Variants in ITGBL1 observed in about 807,000 individuals in gnomAD.
The protein encoded by ITGBL1 is integrin subunit beta like 1.
In ITGBL1, 51 loss-of-function variants were observed where a neutral mutation model predicts 68.5. That is an observed-to-expected ratio of 0.74 (90% CI 0.59 to 0.94). The LOEUF (loss-of-function observed/expected upper bound fraction) is 0.94, where lower values mean the gene tolerates loss of function less well. ITGBL1 is among the 40% of genes least tolerant of loss of function. The probability of loss-of-function intolerance (pLI) is 0.00; values close to 1 mark genes in which losing one functional copy is unlikely to be tolerated. For synonymous variants in ITGBL1, 209 were observed against 227.3 expected (o/e 0.92, Z 0.72); for missense variants, 649 against 647.4 (o/e 1.00, Z -0.03).
At chr13:101,698,227 T>G (rs2034047305) in intron 8 of ITGBL1, among the ~76,000 whole-genome samples, 1 of 152,170 alleles carries the variant, frequency 6.6e-6, no homozygotes, top group Non-Finnish European at 1.5e-5. Context: ...GGTACTTGAC[T>G]CCAAAATCAG....
At chr13:101,558,753 C>T (rs568741088) in intron 2 of ITGBL1, among the ~76,000 whole-genome samples, 1 of 152,282 alleles carries the variant, frequency 6.6e-6, no homozygotes, top group South Asian at 2.1e-4. Flanking sequence ...ATCTCATATA[C>T]ATTTTTAATT....
At chr13:101,514,777 A>G (rs1488416608) in intron 2 of ITGBL1, among the ~76,000 whole-genome samples, 1 of 152,030 alleles carries the variant, frequency 6.6e-6, no homozygotes, top group Admixed American at 6.6e-5. Flanking sequence ...TGGAATACAC[A>G]TGGGTGTGGT....
intron 7 of ITGBL1, among the ~76,000 whole-genome samples, chr13:101,660,711 G>A (rs186670923): frequency 3.9e-5 from 6 of 152,228 alleles, no homozygotes; most frequent in East Asian, 3.9e-4. Context: ...AAAAATGTGC[G>A]AAGACAGCCA....
chr13:101,713,691 T>C (rs1413042629), intron 9 of ITGBL1: 1 of 152,166 alleles, frequency 6.6e-6, no homozygotes, highest in African/African-American at 2.4e-5. Flanking sequence ...ATTTTAAATA[T>C]ATCATTAATA....
intron 2 of ITGBL1, among the ~76,000 whole-genome samples, chr13:101,531,134 CTA>C (rs1236564583): frequency 6.6e-6 from 1 of 151,780 alleles, no homozygotes; most frequent in East Asian, 1.9e-4. Flanking sequence ...AATGTGTGTA[CTA>C]TATATTTAGT....
At chr13:101,531,028 T>G (rs1246789651) in intron 2 of ITGBL1, among the ~76,000 whole-genome samples, 1 of 136,154 alleles carries the variant, frequency 7.3e-6, no homozygotes, top group South Asian at 2.5e-4. Context: ...AGCTGTAATA[T>G]AGGAAGAAAT....
chr13:101,621,578 A>G (rs955428653), intron 7 of ITGBL1, among the ~76,000 whole-genome samples: 1 of 152,134 alleles, frequency 6.6e-6, no homozygotes, highest in Non-Finnish European at 1.5e-5. Context: ...TTGCATAGCC[A>G]TTGAAAAAGG....
At chr13:101,595,999 A>G (rs1053369108) in intron 6 of ITGBL1, among the ~76,000 whole-genome samples, 7 of 152,160 alleles carry the variant, frequency 4.6e-5, no homozygotes, top group Admixed American at 6.6e-5. Context: ...TATATGTAAC[A>G]TGATGTTTTG....
chr13:101,567,677 C>A, intron 2 of ITGBL1, 22 bp from the exon 3 acceptor site: 1 of 1,609,510 alleles, frequency 6.2e-7, no homozygotes, highest in East Asian at 2.2e-5. Context: ...TTGAGTCTGA[C>A]TAGATGTTGT....
chr13:101,558,581 C>T (rs142620464), intron 2 of ITGBL1, among the ~76,000 whole-genome samples: 1 of 152,258 alleles, frequency 6.6e-6, no homozygotes, highest in African/African-American at 2.4e-5. Context: ...TCGTTCCCTT[C>T]TCAGGACACC....
chr13:101,587,476 C>T (rs754246547), intron 6 of ITGBL1, among the ~76,000 whole-genome samples: 1 of 152,136 alleles, frequency 6.6e-6, no homozygotes, highest in African/African-American at 2.4e-5. Context: ...GGCATCCTGA[C>T]GTGTCCCGAC....
At chr13:101,674,572 A>G (rs2033455343) in intron 7 of ITGBL1, among the ~76,000 whole-genome samples, 1 of 152,082 alleles carries the variant, frequency 6.6e-6, no homozygotes. Context: ...GATTTTAAAT[A>G]TTGTCTAATA....
chr13:101,517,410 G>A (rs534896316), intron 2 of ITGBL1, among the ~76,000 whole-genome samples: 5 of 152,112 alleles, frequency 3.3e-5, no homozygotes, highest in East Asian at 1.9e-4. Flanking sequence ...GTGACTGCAC[G>A]TTACGCTCAT....
intron 2 of ITGBL1, among the ~76,000 whole-genome samples, chr13:101,529,037 G>A (rs1217366406): frequency 1.3e-5 from 2 of 151,556 alleles, no homozygotes; most frequent in Admixed American, 6.6e-5. Context: ...CTATACCATA[G>A]GGAAAAATAG....
intron 2 of ITGBL1, among the ~76,000 whole-genome samples, chr13:101,552,213 T>C (rs1211623543): frequency 6.6e-6 from 1 of 152,204 alleles, no homozygotes; most frequent in East Asian, 1.9e-4. Context: ...GTCCAGTGTT[T>C]AGTCCTCAAG....
chr13:101,611,952 G>A (rs1168418884), intron 7 of ITGBL1, among the ~76,000 whole-genome samples: 3 of 152,022 alleles, frequency 2.0e-5, no homozygotes, highest in African/African-American at 7.2e-5. Flanking sequence ...CTAACCCATC[G>A]TTCTTTCAGA....
chr13:101,717,647 G>A (rs897644931), downstream of ITGBL1: 3 of 150,706 alleles, frequency 2.0e-5, no homozygotes, highest in Admixed American at 6.6e-5. Context: ...GACCACGTAC[G>A]TCCCTGTCTC....
At chr13:101,699,963 C>T (rs1001193235) in intron 8 of ITGBL1, among the ~76,000 whole-genome samples, 1 of 152,212 alleles carries the variant, frequency 6.6e-6, no homozygotes, top group African/African-American at 2.4e-5. Flanking sequence ...TTTTCTCCTT[C>T]CTTACTGAAT....
chr13:101,547,954 TACAC>T (rs568188303), intron 2 of ITGBL1, among the ~76,000 whole-genome samples: 12 of 151,246 alleles, frequency 7.9e-5, no homozygotes, highest in East Asian at 3.9e-4. Context: ...TATATACACA[TACAC>T]ACACACACAA....
Sources: gnomAD v4.1 joint callset for allele counts (sites outside exome capture counted in the v4.1 genomes callset) on GRCh38, gnomAD v4.1.1 for gene constraint, MANE v1.5 for transcripts, NCBI Gene and HGNC (gene_info 2026-07-23, HGNC 2026-07-21) for gene names.